NIT2: variants seen among roughly 807,000 people sequenced by gnomAD.
NIT2 encodes the protein nitrilase family member 2.
In NIT2, 46 loss-of-function variants were observed where a neutral mutation model predicts 42.7. The ratio of observed to expected loss-of-function variants is 1.08; its 90% CI spans 0.85 to 1.38. The LOEUF (loss-of-function observed/expected upper bound fraction) is 1.38. Among genes scored for constraint, NIT2 ranks in the 40% most tolerant of loss-of-function variants. NIT2 has a pLI of 0.00. For missense variants in NIT2, 309 were observed against 342.5 expected, an observed-to-expected ratio of 0.90 and a Z score of 0.77; for synonymous variants, 123 against 121.9, an observed-to-expected ratio of 1.01 and a Z score of -0.06.
intron 1 of NIT2, among the ~76,000 whole-genome samples, chr3:100,335,297 C>T (rs1000976662): frequency 1.5e-4 from 22 of 150,790 alleles, no homozygotes; most frequent in African/African-American, 5.5e-4. Context: ...TGCAAGTCCC[C>T]TGTTTCTTTA....
At chr3:100,340,098 T>C (rs1706131942) in intron 3 of NIT2, 163 bp downstream of exon 3, 85 of 466,420 alleles carry the variant, frequency 1.8e-4, no homozygotes, top group Middle Eastern at 5.9e-4. Flanking sequence ...TGAGGTGAGG[T>C]CTTGCTTTGT....
chr3:100,340,048 T>G, intron 3 of NIT2, 113 bp downstream of exon 3: 1 of 821,408 alleles, frequency 1.2e-6, no homozygotes, highest in Non-Finnish European at 1.9e-6. Context: ...CTTGGGAAGC[T>G]GAAGCAGAGA....
intron 6 of NIT2, 67 bp from the exon 7 acceptor site, chr3:100,348,735 CA>C: frequency 8.0e-7 from 1 of 1,243,716 alleles, no homozygotes; most frequent in Non-Finnish European, 1.2e-6. Context: ...AGATAAGGAA[CA>C]GTGGGGAGGA....
At position 100,337,970 on chromosome 3, in the gene NIT2, C is replaced by T. The variant is rs577123251; in HGVS notation, c.8-1117C>T. Among the ~76,000 whole-genome samples, 20 of 152,234 alleles carry T rather than the reference C, an allele frequency of 1.3e-4. 1 individual carries two copies. The East Asian group carries it at 3.7e-3, about 28-fold the overall frequency. On this transcript the variant is annotated intron_variant, in intron 1 of 9. Coordinates refer to ENST00000394140, the MANE Select transcript of NIT2 (RefSeq NM_020202.5). ...CCTGTGGTCCCAGCTACATAAGAGGCTGAGACAAGAGGATTGCCTGAACTG... is the reference window on the plus strand; with the variant it reads ...CCTGTGGTCCCAGCTACATAAGAGGTTGAGACAAGAGGATTGCCTGAACTG...
At chr3:100,351,770 A>G (rs1706276371) in intron 7 of NIT2, among the ~76,000 whole-genome samples, 1 of 152,212 alleles carries the variant, frequency 6.6e-6, no homozygotes, top group Admixed American at 6.5e-5. Flanking sequence ...ATCTAATTAA[A>G]CTAAAAGAGC....
intron 5 of NIT2, chr3:100,345,899 G>T (rs1301866483): frequency 1.5e-5 from 9 of 596,068 alleles, no homozygotes; most frequent in East Asian, 2.8e-5. Context: ...TCCTGTTACG[G>T]CTTCCAGAGT....
chr3:100,348,185 C>A (rs1293518212), intron 6 of NIT2, among the ~76,000 whole-genome samples: 1 of 152,214 alleles, frequency 6.6e-6, no homozygotes, highest in Non-Finnish European at 1.5e-5. Context: ...AGCCAGCGCA[C>A]CCACCGCCTT....
At chr3:100,346,742 A>C (rs1032757187) in intron 6 of NIT2, among the ~76,000 whole-genome samples, 2 of 152,218 alleles carry the variant, frequency 1.3e-5, no homozygotes, top group African/African-American at 4.8e-5. Context: ...CCTCTAGAGC[A>C]GTGTGGTTCT....
chr3:100,339,622 C>T (rs10511179), intron 2 of NIT2, among the ~76,000 whole-genome samples, 193 bp from the exon 3 acceptor site: 1 of 151,874 alleles, frequency 6.6e-6, no homozygotes, highest in Non-Finnish European at 1.5e-5. Context: ...CTCCAACCCA[C>T]TAGGCTAGCT....
At chr3:100,337,259 GTAA>G (rs1280156711) in intron 1 of NIT2, among the ~76,000 whole-genome samples, 1 of 152,126 alleles carries the variant, frequency 6.6e-6, no homozygotes, top group Non-Finnish European at 1.5e-5. Flanking sequence ...CACAGACACA[GTAA>G]TAATCTGATC....
chr3:100,353,056 C>T (rs1260900852), intron 8 of NIT2, among the ~76,000 whole-genome samples: 2 of 152,230 alleles, frequency 1.3e-5, no homozygotes, highest in Non-Finnish European at 2.9e-5. Context: ...GCATTCCTTA[C>T]AGTCTACATT....
Position 100,358,885 on chromosome 3 carries a change from TTGG to T in NIT2, c.*3623_*3625del, listed in dbSNP as rs1344716000. ...CTTTTTAGGCATTGCTGTGTAAGTT[TTGG>T]TGGTGCGTGGGTACAATGAAGCCAG... On this transcript the variant is annotated 3_prime_UTR_variant, in exon 10 of 10. Coordinates refer to ENST00000394140, the MANE Select transcript of NIT2 (RefSeq NM_020202.5). The T allele has an allele frequency of 6.6e-6, 1 of 152,246 alleles. No homozygotes were observed. Among genetic ancestry groups the T allele is most frequent in the Non-Finnish European group, 1.5e-5 (1 of 68,044 alleles). 9.4% of individuals were successfully genotyped at this position (152,246 alleles called of 1,614,324 possible).
chr3:100,346,308 G>T, intron 6 of NIT2, 53 bp downstream of exon 6: 1 of 1,519,128 alleles, frequency 6.6e-7, no homozygotes, highest in Non-Finnish European at 9.1e-7. Flanking sequence ...TTGGTTCTAG[G>T]CTGGTCTATG....
At chr3:100,343,864 T>G (rs1706182120) in intron 4 of NIT2, among the ~76,000 whole-genome samples, 1 of 152,224 alleles carries the variant, frequency 6.6e-6, no homozygotes, top group South Asian at 2.1e-4. Flanking sequence ...AATTTAAGAT[T>G]GTACAGTGGA....
rs1232041872 is a variant in NIT2 at position 100,359,277 on chromosome 3, C to T, written c.*4009C>T. 1 of 152,170 alleles carries T rather than the reference C, an allele frequency of 6.6e-6. No homozygotes were observed. The highest frequency in any genetic ancestry group is 1.5e-5 in the Non-Finnish European group (1 of 68,036). 9.4% of individuals were successfully genotyped at this position (152,170 alleles called of 1,614,324 possible). A position where few individuals can be genotyped will look rare whatever the true frequency, so the allele number is the denominator to read the frequency against. On this transcript the variant is annotated 3_prime_UTR_variant, in exon 10 of 10. Coordinates refer to ENST00000394140, the MANE Select transcript of NIT2 (RefSeq NM_020202.5). Reference sequence around the variant, plus strand: ...ACATGGTGGGCAGGGTCCAGTAATTCCAAATGTTGTCATCCTAGCTCTTCC... The same window carrying T: ...ACATGGTGGGCAGGGTCCAGTAATTTCAAATGTTGTCATCCTAGCTCTTCC...
Position 100,355,265 on chromosome 3 carries a change from C to T in NIT2, c.828C>T (p.Pro276=), listed in dbSNP as rs1198292712. The change falls in exon 10 of 10, where the codon CCC becomes CCT. Residue 276 remains proline (P), a synonymous_variant. Transcript: ENST00000394140. ...SDLYAVEMKK[P] The stretch of plus-strand genomic sequence containing the variant: ...TCTATGCTGTGGAGATGAAAAAGCC[C>T]TAAAGTTTATGTTTCTAATGTGTCA... 1.2e-6 allele frequency: 2 copies of T among 1,611,064 alleles called. No individual in the cohort carries two copies. The highest frequency in any genetic ancestry group is 1.1e-5 in the South Asian group (1 of 90,926).
intron 1 of NIT2, among the ~76,000 whole-genome samples, chr3:100,337,208 G>C (rs1156478967): frequency 1.3e-5 from 2 of 152,182 alleles, no homozygotes; most frequent in Non-Finnish European, 2.9e-5. Flanking sequence ...ATTTTTCGTA[G>C]TACAGAACAA....
rs1038033415 is a variant in NIT2, at chr3:100,334,826, T to A, written c.7+28T>A. The A allele has an allele frequency of 5.6e-6, 7 of 1,252,074 alleles. No individual in the cohort carries two copies. The African/African-American group carries it at 1.4e-4, about 24-fold the overall frequency. 77.6% of individuals were successfully genotyped at this position (1,252,074 alleles called of 1,614,324 possible). ...AAGTGGCGCGGCCGCGCGCTGCAGC[T>A]CGAGTTCGGGCCGCGGGGGAGGCTT... On this transcript the variant is annotated intron_variant, in intron 1 of 9. Transcript: ENST00000394140.
rs1395140818 is a variant in NIT2 at position 100,355,304 on chromosome 3, TATGATTCTACAAC to T, written c.*39_*51del. 6.1e-6 allele frequency: 9 copies of T among 1,467,534 alleles called. No homozygotes were observed. Among genetic ancestry groups the T allele is most frequent in the Non-Finnish European group, 4.7e-6 (5 of 1,056,758 alleles). The allele number at this position is 1,467,534 out of a possible 1,614,324, so 90.9% of individuals were successfully genotyped here. On this transcript the variant is annotated 3_prime_UTR_variant, in exon 10 of 10. Transcript: ENST00000394140. ...TCTAATGTGTCACAGAATAGGACGA[TATGATTCTACAAC>T]ATAATCAACTCCCTATTAAATTCTT...
Sources: gnomAD v4.1 joint callset for allele counts (sites outside exome capture counted in the v4.1 genomes callset) on GRCh38, gnomAD v4.1.1 for gene constraint, MANE v1.5 for transcripts, NCBI Gene and HGNC (gene_info 2026-07-23, HGNC 2026-07-21) for gene names.